Variants in HAPLN1 observed in about 807,000 individuals in gnomAD.
The protein encoded by HAPLN1 is Cartilage link protein.
In HAPLN1, 13 loss-of-function variants were observed where a neutral mutation model predicts 36.5. The observed-to-expected ratio is 0.36, with a 90% CI of 0.23 to 0.57. The LOEUF is 0.57. Among genes scored for constraint, HAPLN1 ranks in the 20% least tolerant of loss-of-function variants. The probability of loss-of-function intolerance (pLI) is 0.83; values close to 1 mark genes in which losing one functional copy is unlikely to be tolerated. For synonymous variants in HAPLN1, 202 were observed against 169.8 expected (o/e 1.19, Z -1.48); for missense variants, 407 against 439.7 (o/e 0.93, Z 0.66).
intron 1 of HAPLN1, among the ~76,000 whole-genome samples, chr5:83,678,050 T>C (rs1016549067): frequency 6.6e-6 from 1 of 152,136 alleles, no homozygotes; most frequent in Non-Finnish European, 1.5e-5. Flanking sequence ...GTGATCCTGA[T>C]GCATGCTCAA....
chr5:83,644,439 G>A lies in HAPLN1; in HGVS notation c.699C>T (p.Pro233=), dbSNP rs772237845. ...CCCAAAATCCGTAGTTCCTGACTCC[G>A]GGCACTGTGTTCTGCCCCCCACAGG... ...REPCGGQNTV[P]GVRNYGFWDK... The change falls in exon 4 of 5, where the codon CCC becomes CCT. Residue 233 remains proline (P), a synonymous_variant. Transcript: ENST00000274341. 6.8e-6 allele frequency: 11 copies of A among 1,610,718 alleles called. No homozygotes were observed. Among genetic ancestry groups the A allele is most frequent in the South Asian group, 6.6e-5 (6 of 90,580 alleles).
rs1750778670 is a variant in HAPLN1, at chr5:83,673,436, T to C, written c.88A>G (p.Ile30Val). 1 of 1,598,218 alleles carries C rather than the reference T, an allele frequency of 6.3e-7. No homozygotes were observed. The highest frequency in any genetic ancestry group is 1.4e-5 in the African/African-American group (1 of 74,028). The change falls in exon 2 of 5, where the codon ATT becomes GTT. Residue 30 changes from isoleucine (I) to valine (V), a missense_variant. Transcript: ENST00000274341. Reference sequence around the variant, plus strand: ...TGTGTTTCCTTACCTTGGATGTGAATAGCTCTGTCATGATCCAGAGTATAG... The same window carrying C: ...TGTGTTTCCTTACCTTGGATGTGAACAGCTCTGTCATGATCCAGAGTATAG... ...DNYTLDHDRA[I>V]HIQAENGPHL...
At chr5:83,666,792 A>G (rs891400141) in intron 2 of HAPLN1, among the ~76,000 whole-genome samples, 4 of 151,964 alleles carry the variant, frequency 2.6e-5, no homozygotes, top group African/African-American at 9.7e-5. Context: ...TGTTGCCTTG[A>G]TAATATTGTC....
Position 83,638,388 on chromosome 5 carries a change from G to A in HAPLN1, c.*3108C>T, listed in dbSNP as rs575034520. On this transcript the variant is annotated 3_prime_UTR_variant, in exon 5 of 5. Transcript: ENST00000274341. ...AACTTTTGTATTTTTCATCTCTTTC[G>A]TTGTACATCCATTGCCGCTCTGGCA... 11 of 151,630 alleles carry A rather than the reference G, an allele frequency of 7.3e-5. No homozygotes were observed. The highest frequency in any genetic ancestry group is 2.4e-4 in the African/African-American group (10 of 41,402). The allele number at this position is 151,630 out of a possible 1,614,324, so 9.4% of individuals were successfully genotyped here. A position where few individuals can be genotyped will look rare whatever the true frequency, so the allele number is the denominator to read the frequency against.
rs754759453 is a variant in HAPLN1 at position 83,652,745 on chromosome 5, T to A, written c.180A>T (p.Pro60=). 1 of 1,614,128 alleles carries A rather than the reference T, an allele frequency of 6.2e-7. No individual in the cohort carries two copies. Among genetic ancestry groups the A allele is most frequent in the Non-Finnish European group, 8.5e-7 (1 of 1,179,990 alleles). Residue 60 remains proline (P), a synonymous_variant, in exon 3 of 5, where the codon CCA becomes CCT. Coordinates refer to ENST00000274341, the MANE Select transcript of HAPLN1 (RefSeq NM_001884.4). ...CTGTAGGGTCTCGATAAAATTTACA[T>A]GGCAGTGTAACATTGCCACCTCTGT... ...FSHRGGNVTL[P]CKFYRDPTAF... is the part of the protein sequence containing the mutation.
chr5:83,695,249 C>A (rs1751366760), intron 1 of HAPLN1, among the ~76,000 whole-genome samples: 1 of 152,082 alleles, frequency 6.6e-6, no homozygotes, highest in Non-Finnish European at 1.5e-5. Context: ...CCTCAGCCTC[C>A]CGAGTAGCTG....
At chr5:83,695,492 CAGAT>C (rs557058931) in intron 1 of HAPLN1, among the ~76,000 whole-genome samples, 52 of 151,438 alleles carry the variant, frequency 3.4e-4, no homozygotes, top group East Asian at 7.7e-4. Flanking sequence ...ACAGATAAAA[CAGAT>C]AGATCACTAA....
chr5:83,643,824 G>A (rs1004479240), intron 4 of HAPLN1, among the ~76,000 whole-genome samples: 8 of 152,170 alleles, frequency 5.3e-5, no homozygotes, highest in Admixed American at 3.9e-4. Context: ...AGGGCTGAGA[G>A]GTGTATGAAT....
intron 1 of HAPLN1, among the ~76,000 whole-genome samples, chr5:83,711,444 TTTG>T (rs1751783144): frequency 6.6e-6 from 1 of 152,148 alleles, no homozygotes; most frequent in African/African-American, 2.4e-5. Context: ...GAAAAAAGAT[TTTG>T]TTTTTTGGAT....
At position 83,640,656 on chromosome 5, in the gene HAPLN1, T is replaced by G. The variant is rs757138016; in HGVS notation, c.*840A>C. 13 of 152,190 alleles carry G rather than the reference T, an allele frequency of 8.5e-5. No homozygotes were observed. The allele number at this position is 152,190 out of a possible 1,614,324, so 9.4% of individuals were successfully genotyped here. A position where few individuals can be genotyped will look rare whatever the true frequency, so the allele number is the denominator to read the frequency against. On this transcript the variant is annotated 3_prime_UTR_variant, in exon 5 of 5. Transcript: ENST00000274341. ...TTTACAATTTTTCTGTCCAGCAGTT[T>G]ATCTATATAACTGCCCTGAGTAGAT...
intron 2 of HAPLN1, among the ~76,000 whole-genome samples, chr5:83,664,277 A>T (rs1254626038): frequency 6.6e-6 from 1 of 152,140 alleles, no homozygotes; most frequent in Non-Finnish European, 1.5e-5. Flanking sequence ...TCTCAGCTTG[A>T]TGTCCTTGCT....
chr5:83,707,398 G>A (rs1261698479), intron 1 of HAPLN1, among the ~76,000 whole-genome samples: 1 of 152,102 alleles, frequency 6.6e-6, no homozygotes, highest in East Asian at 1.9e-4. Context: ...ATAGTGCAAT[G>A]GAACAGAATA....
intron 2 of HAPLN1, among the ~76,000 whole-genome samples, chr5:83,655,082 T>C (rs11958272): frequency 0.06 from 9,113 of 152,244 alleles, 779 homozygotes; most frequent in African/African-American, 0.19. Flanking sequence ...TTCCATAATT[T>C]CACTTATTTA....
At position 83,640,954 on chromosome 5, in the gene HAPLN1, A is replaced by G. The variant is rs545827507; in HGVS notation, c.*542T>C. ...TCAGAAAGGCAGGATTTTAAAGAGT[A>G]AAATATTCTGCCTATTAGAGACTTG... is the stretch of plus-strand genomic sequence containing the variant. On this transcript the variant is annotated 3_prime_UTR_variant, in exon 5 of 5. Coordinates refer to ENST00000274341, the MANE Select transcript of HAPLN1 (RefSeq NM_001884.4). The G allele has an allele frequency of 6.6e-6, 1 of 151,136 alleles. No homozygotes were observed. The highest frequency in any genetic ancestry group is 2.4e-5 in the African/African-American group (1 of 41,182). 9.4% of individuals were successfully genotyped at this position (151,136 alleles called of 1,614,324 possible).
At chr5:83,677,734 T>C (rs959526835) in intron 1 of HAPLN1, among the ~76,000 whole-genome samples, 2 of 152,206 alleles carry the variant, frequency 1.3e-5, no homozygotes, top group African/African-American at 4.8e-5. Flanking sequence ...GAAAGTATTC[T>C]TGAACAAGTA....
chr5:83,683,180 A>G lies in HAPLN1; in HGVS notation c.-26-9631T>C, dbSNP rs146334337. On this transcript the variant is annotated intron_variant, in intron 1 of 4. Transcript: ENST00000274341. The stretch of plus-strand genomic sequence containing the variant: ...AGGGAAGCTGGGTATAAAAAGTCTC[A>G]GGTTTTACATTGTTCTAAATACTAC... Among the ~76,000 whole-genome samples, 899 of 152,314 alleles carry G rather than the reference A, an allele frequency of 5.9e-3. 11 individuals are homozygous for G. The highest frequency in any genetic ancestry group is 0.021 in the African/African-American group (855 of 41,568).
chr5:83,646,512 G>A (rs1749881788), intron 3 of HAPLN1, among the ~76,000 whole-genome samples: 1 of 152,178 alleles, frequency 6.6e-6, no homozygotes, highest in Non-Finnish European at 1.5e-5. Context: ...ATCCACTGAA[G>A]GCCTCGGTAG....
At chr5:83,697,236 G>C (rs1361180912) in intron 1 of HAPLN1, among the ~76,000 whole-genome samples, 1 of 152,036 alleles carries the variant, frequency 6.6e-6, no homozygotes, top group Non-Finnish European at 1.5e-5. Flanking sequence ...AAATCATCTA[G>C]AATAGGCAAA....
chr5:83,642,248 C>T (rs528780614), intron 4 of HAPLN1, among the ~76,000 whole-genome samples: 89 of 152,174 alleles, frequency 5.8e-4, no homozygotes, highest in African/African-American at 2.0e-3. Flanking sequence ...AAATCAAAAG[C>T]CCTCAAGTCC....
Sources: allele counts gnomAD v4.1 joint callset (sites outside exome capture counted in the v4.1 genomes callset), GRCh38; gene constraint gnomAD v4.1.1; transcripts MANE v1.5; gene names NCBI Gene and HGNC (gene_info 2026-07-23, HGNC 2026-07-21).